The following ARID3A variants were observed in gnomAD, a reference collection of about 807,000 sequenced individuals.
ARID3A encodes AT-rich interaction domain 3A.
In ARID3A, 11 loss-of-function variants were observed where a neutral mutation model predicts 52.7. That is an observed-to-expected ratio of 0.21 (90% confidence interval 0.13 to 0.35). ARID3A has a LOEUF of 0.35. Ranked by LOEUF, ARID3A falls within the 10% of genes least tolerant of loss-of-function variation. The pLI is 1.00. For synonymous variants in ARID3A, 404 were observed against 359.4 expected (o/e 1.12, Z -1.40); for missense variants, 721 against 838.5 (o/e 0.86, Z 1.73).
chr19:928,969 G>A (rs112604205), intron 1 of ARID3A: 1 of 152,364 alleles, frequency 6.6e-6, no homozygotes, highest in Non-Finnish European at 1.5e-5. Flanking sequence ...CCAATCACAG[G>A]CCAGGAACGC....
intron 1 of ARID3A, chr19:928,726 T>G (rs1403635993): frequency 6.6e-6 from 1 of 152,220 alleles, no homozygotes; most frequent in Non-Finnish European, 1.5e-5. Flanking sequence ...CCACACTGTT[T>G]TGCAGGTAGG....
chr19:965,266 T>C, intron 6 of ARID3A, 186 bp downstream of exon 6: 1 of 678,678 alleles, frequency 1.5e-6, no homozygotes, highest in Non-Finnish European at 2.4e-6. Flanking sequence ...ATCACCATTT[T>C]CTAATTCCAC....
chr19:930,741 C>A (rs1186047710), intron 2 of ARID3A, among the ~76,000 whole-genome samples: 3 of 150,866 alleles, frequency 2.0e-5, no homozygotes, highest in South Asian at 4.2e-4. Context: ...GATCTCCTGA[C>A]CTCATGATCT....
intron 1 of ARID3A, among the ~76,000 whole-genome samples, chr19:927,722 A>T (rs983731871): frequency 6.6e-6 from 1 of 150,952 alleles, no homozygotes; most frequent in South Asian, 2.1e-4. Flanking sequence ...CAGCCTGGGG[A>T]TGGGGGGCTG....
At chr19:945,209 C>T (rs989357308) in intron 3 of ARID3A, among the ~76,000 whole-genome samples, 2 of 152,228 alleles carry the variant, frequency 1.3e-5, no homozygotes, top group East Asian at 3.9e-4. Flanking sequence ...CAGCTCTGCC[C>T]GACCTGGGCC....
intron 1 of ARID3A, chr19:928,600 C>T (rs916363560): frequency 2.0e-5 from 3 of 152,312 alleles, no homozygotes; most frequent in Middle Eastern, 3.4e-3. Flanking sequence ...TTGTCCTCAA[C>T]CATGAAATGG....
intron 3 of ARID3A, among the ~76,000 whole-genome samples, chr19:935,859 C>T (rs1036285769): frequency 2.6e-5 from 4 of 152,142 alleles, no homozygotes; most frequent in African/African-American, 9.7e-5. Context: ...GGCGCGATCG[C>T]GGCTCACTGC....
Position 944,648 on chromosome 19 carries a change from C to T in ARID3A, c.693+11906C>T, listed in dbSNP as rs78378528. 0.033 allele frequency among the ~76,000 whole-genome samples: 5,050 copies of T among 152,226 alleles called. 205 individuals are homozygous for T. Among genetic ancestry groups the T allele is most frequent in the East Asian group, 0.18 (922 of 5,168 alleles). ...TGGTTTTCGGGGGTGGATTTTGAGA[C>T]AGGGTCTCGTGCTGTCACCCAGGCT... is the stretch of plus-strand genomic sequence containing the variant. On this transcript the variant is annotated intron_variant, in intron 3 of 8. Coordinates refer to ENST00000263620, the MANE Select transcript of ARID3A (RefSeq NM_005224.3). The surrounding 1 kb of genome is among the most constrained non-coding windows in gnomAD (Gnocchi z 5.9).
At position 929,318 on chromosome 19, in the gene ARID3A, G is replaced by A; in HGVS notation, c.-211G>A. ...CAGCCTCTGTCCCCTGGAGCCCAGC[G>A]TGAGGAAGAGGCATGCCCCATCAGC... On this transcript the variant is annotated 5_prime_UTR_variant, in exon 2 of 9. The change creates a new upstream start codon in the 5' untranslated region. Transcript: ENST00000263620. The surrounding 1 kb of genome is among the most constrained non-coding windows in gnomAD (Gnocchi z 6.2). 1.9e-6 allele frequency: 1 copy of A among 527,008 alleles called. No homozygotes were observed. Among genetic ancestry groups the A allele is most frequent in the Non-Finnish European group, 2.7e-6 (1 of 376,896 alleles). 32.6% of individuals were successfully genotyped at this position (527,008 alleles called of 1,614,324 possible).
chr19:949,128 C>T (rs920325746), intron 3 of ARID3A, among the ~76,000 whole-genome samples: 1 of 152,188 alleles, frequency 6.6e-6, no homozygotes, highest in Non-Finnish European at 1.5e-5. Flanking sequence ...TGGTACTCTG[C>T]AAACCTGGTT....
At chr19:969,642 T>C (rs1036020268) in intron 8 of ARID3A, among the ~76,000 whole-genome samples, 2 of 147,292 alleles carry the variant, frequency 1.4e-5, no homozygotes, top group Non-Finnish European at 3.0e-5. Context: ...TATAAATACA[T>C]ATATACTTTT....
At position 966,875 on chromosome 19, in the gene ARID3A, C is replaced by T. The variant is rs2038169009; in HGVS notation, c.1495+7C>T. 1 of 1,596,856 alleles carries T rather than the reference C, an allele frequency of 6.3e-7. No individual in the cohort carries two copies. The highest frequency in any genetic ancestry group is 8.6e-7 in the Non-Finnish European group (1 of 1,168,250). On this transcript the variant is annotated splice_region_variant and intron_variant, in intron 7 of 8. Coordinates refer to ENST00000263620, the MANE Select transcript of ARID3A (RefSeq NM_005224.3). ...ATTCGGATCAACAGCCAAGGTACTGCCCTCGTGCCCAGACCCGCTGTGCTT... is the reference window on the plus strand; with the variant it reads ...ATTCGGATCAACAGCCAAGGTACTGTCCTCGTGCCCAGACCCGCTGTGCTT...
chr19:960,309 A>G lies in ARID3A; in HGVS notation c.766+145A>G. On this transcript the variant is annotated intron_variant, in intron 4 of 8. Coordinates refer to ENST00000263620, the MANE Select transcript of ARID3A (RefSeq NM_005224.3). The surrounding 1 kb of genome is among the most constrained non-coding windows in gnomAD (Gnocchi z 4.3). ...AGGCTCCTAAATCGGGAGGGACTTC[A>G]GGGGTGTCTTGGGGGGAAACACATC... The G allele has an allele frequency of 1.5e-6, 1 of 675,212 alleles. No homozygotes were observed. The highest frequency in any genetic ancestry group is 3.1e-5 in the East Asian group (1 of 32,142). The allele number at this position is 675,212 out of a possible 1,614,324, so 41.8% of individuals were successfully genotyped here. A position where few individuals can be genotyped will look rare whatever the true frequency, so the allele number is the denominator to read the frequency against.
At chr19:934,741 G>A (rs538286840) in intron 3 of ARID3A, among the ~76,000 whole-genome samples, 37 of 152,176 alleles carry the variant, frequency 2.4e-4, no homozygotes, top group African/African-American at 8.2e-4. Context: ...CGTGGGCAGC[G>A]GGGGTGGGGG....
Position 926,051 on chromosome 19 carries a change from G to A in ARID3A, c.-276G>A. 6.7e-6 allele frequency: 1 copy of A among 149,556 alleles called. No individual in the cohort carries two copies. Among genetic ancestry groups the A allele is most frequent in the Non-Finnish European group, 1.5e-5 (1 of 66,962 alleles). 9.3% of individuals were successfully genotyped at this position (149,556 alleles called of 1,614,324 possible). A position where few individuals can be genotyped will look rare whatever the true frequency, so the allele number is the denominator to read the frequency against. ...GAGGGGTGTAGACGCGGACGCGGCT[G>A]GCGGCTCGGTGAGTCGGCGCGCGGC... is the stretch of plus-strand genomic sequence containing the variant. On this transcript the variant is annotated 5_prime_UTR_variant, in exon 1 of 9. Coordinates refer to ENST00000263620, the MANE Select transcript of ARID3A (RefSeq NM_005224.3).
In ARID3A at chr19:972,093, C is replaced by T; in HGVS notation, c.*28C>T. ...GCATCACTCCCCACCCGCCACCCAC[C>T]CTGGAGCCCGCCGGCCTGGGCAGGG... On this transcript the variant is annotated 3_prime_UTR_variant, in exon 9 of 9. Coordinates refer to ENST00000263620, the MANE Select transcript of ARID3A (RefSeq NM_005224.3). 1 of 1,501,648 alleles carries T rather than the reference C, an allele frequency of 6.7e-7. No individual in the cohort carries two copies. The highest frequency in any genetic ancestry group is 1.5e-5 in the African/African-American group (1 of 68,942). The allele number at this position is 1,501,648 out of a possible 1,614,324, so 93.0% of individuals were successfully genotyped here.
At chr19:948,995 G>T (rs1352318106) in intron 3 of ARID3A, among the ~76,000 whole-genome samples, 1 of 152,080 alleles carries the variant, frequency 6.6e-6, no homozygotes, top group Non-Finnish European at 1.5e-5. Context: ...GGGATTACAG[G>T]CATGAGCCAC....
At chr19:965,719 C>T (rs2038134815) in intron 6 of ARID3A, among the ~76,000 whole-genome samples, 1 of 151,960 alleles carries the variant, frequency 6.6e-6, no homozygotes, top group South Asian at 2.1e-4. Flanking sequence ...AGGCCAGGCA[C>T]AGTGGCTCAC....
intron 3 of ARID3A, among the ~76,000 whole-genome samples, chr19:943,225 C>T (rs1237642894): frequency 1.3e-5 from 2 of 150,062 alleles, no homozygotes; most frequent in East Asian, 3.9e-4. Context: ...GGCACGACTG[C>T]ACTCCAGACT....
Sources: gnomAD v4.1 joint callset for allele counts (sites outside exome capture counted in the v4.1 genomes callset) on GRCh38, gnomAD v4.1.1 for gene constraint, Gnocchi (gnomAD v3.1) non-coding constraint, MANE v1.5 for transcripts, NCBI Gene and HGNC (gene_info 2026-07-23, HGNC 2026-07-21) for gene names.